The following BAZ2B variants were observed in gnomAD, a reference collection of about 807,000 sequenced individuals.
BAZ2B encodes the protein bromodomain adjacent to zinc finger domain 2B, also known as bromodomain adjacent to zinc finger domain protein 2B.
In BAZ2B, 91 loss-of-function variants were observed where a neutral mutation model predicts 246.0. The ratio of observed to expected loss-of-function variants is 0.37; its 90% CI spans 0.31 to 0.44. The LOEUF is 0.44. BAZ2B is among the 20% of genes least tolerant of loss of function. The pLI, the probability that BAZ2B is intolerant of heterozygous loss-of-function variation, is 1.00. For missense variants in BAZ2B, 2,332 were observed against 2,533.7 expected, an observed-to-expected ratio of 0.92 and a Z score of 1.71; for synonymous variants, 855 against 860.0, an observed-to-expected ratio of 0.99 and a Z score of 0.10.
chr2:159,333,890 C>T (rs886637025), intron 33 of BAZ2B, among the ~76,000 whole-genome samples: 8 of 152,008 alleles, frequency 5.3e-5, no homozygotes, highest in Admixed American at 1.3e-4. Flanking sequence ...AACATTGGCG[C>T]GGTTACCAAG....
intron 3 of BAZ2B, chr2:159,460,790 T>C (rs974094633): frequency 6.6e-6 from 1 of 152,140 alleles, no homozygotes; most frequent in Admixed American, 6.5e-5. Flanking sequence ...ACTCAAAATG[T>C]CCAAATTCTG....
chr2:159,481,075 T>C (rs1019007408), intron 2 of BAZ2B, among the ~76,000 whole-genome samples: 3 of 151,976 alleles, frequency 2.0e-5, no homozygotes, highest in Non-Finnish European at 2.9e-5. Flanking sequence ...TTTTTTGTCA[T>C]TTTATAGAAA....
intron 2 of BAZ2B, among the ~76,000 whole-genome samples, chr2:159,517,124 T>C (rs928462891): frequency 2.6e-5 from 4 of 152,166 alleles, no homozygotes; most frequent in African/African-American, 9.6e-5. Context: ...GACTGCTTTA[T>C]AATTTATGTG....
chr2:159,576,532 A>T (rs1427002444), intron 1 of BAZ2B, among the ~76,000 whole-genome samples: 1 of 30,942 alleles, frequency 3.2e-5, no homozygotes, highest in Non-Finnish European at 5.9e-5. Context: ...TCAAAGGTTT[A>T]AAAAAAAAAA....
chr2:159,690,302 C>A, the BAZ2B span: 1 of 263,036 alleles, frequency 3.8e-6, no homozygotes, highest in South Asian at 4.7e-5. Context: ...ATAAGGCGCT[C>A]ATTCTCGCCA....
chr2:159,522,330 T>C (rs373335278), intron 2 of BAZ2B, among the ~76,000 whole-genome samples: 45 of 152,262 alleles, frequency 3.0e-4, no homozygotes, highest in African/African-American at 1.1e-3. Context: ...TGGTTATCCA[T>C]TTACACAAAT....
At chr2:159,337,951 GT>G (rs2065937860) in intron 31 of BAZ2B, among the ~76,000 whole-genome samples, 179 bp from the exon 32 acceptor site, 1 of 152,120 alleles carries the variant, frequency 6.6e-6, no homozygotes, top group Non-Finnish European at 1.5e-5. Flanking sequence ...AAAAGAAATA[GT>G]TGTAAGAAAA....
chr2:159,390,750 T>C (rs2063233834), intron 20 of BAZ2B, among the ~76,000 whole-genome samples: 1 of 152,054 alleles, frequency 6.6e-6, no homozygotes, highest in South Asian at 2.1e-4. Flanking sequence ...AATATTATGA[T>C]AGCCAGAGGC....
chr2:159,655,910 AT>A, the BAZ2B span, among the ~76,000 whole-genome samples: 1 of 152,048 alleles, frequency 6.6e-6, no homozygotes, highest in African/African-American at 2.4e-5. Flanking sequence ...TTTTCAACAT[AT>A]TTTTAATAGC....
At chr2:159,341,279 G>A (rs2066665302) in intron 31 of BAZ2B, among the ~76,000 whole-genome samples, 1 of 152,054 alleles carries the variant, frequency 6.6e-6, no homozygotes, top group African/African-American at 2.4e-5. Flanking sequence ...GCTGTAAAAA[G>A]AGACAAAGAA....
chr2:159,685,326 G>A, the BAZ2B span, among the ~76,000 whole-genome samples: 1 of 152,036 alleles, frequency 6.6e-6, no homozygotes, highest in Admixed American at 6.6e-5. Context: ...TTAACATTTG[G>A]TAACTGAAGC....
At chr2:159,528,927 C>T (rs2085048932) in intron 2 of BAZ2B, among the ~76,000 whole-genome samples, 2 of 126,836 alleles carry the variant, frequency 1.6e-5, no homozygotes, top group Admixed American at 2.2e-4. Flanking sequence ...CCTTTGGATA[C>T]AGGAAGGGGA....
intron 2 of BAZ2B, among the ~76,000 whole-genome samples, chr2:159,536,784 AC>A (rs2086050337): frequency 6.6e-6 from 1 of 152,172 alleles, no homozygotes; most frequent in African/African-American, 2.4e-5. Flanking sequence ...TTATATAATA[AC>A]CAAAGTGGAT....
chr2:159,370,378 CTTTTT>C (rs55760591), intron 27 of BAZ2B, among the ~76,000 whole-genome samples: 3 of 92,248 alleles, frequency 3.3e-5, no homozygotes, highest in African/African-American at 4.0e-5. Flanking sequence ...ACTGTACTAC[CTTTTT>C]TTTTTTTTTT....
chr2:159,589,251 C>T lies in BAZ2B; in HGVS notation c.-46+26991G>A, dbSNP rs553389903. Among the ~76,000 whole-genome samples the T allele has an allele frequency of 4.6e-5, 7 of 152,184 alleles. No individual in the cohort carries two copies. The East Asian group carries it at 1.3e-3, about 29-fold the overall frequency. ...ATTGTAGAGGAGCTCACAGTGGTAT[C>T]CTTACTCACACTGCTCAGAATCATA... is the stretch of plus-strand genomic sequence containing the variant. On this transcript the variant is annotated intron_variant, in intron 1 of 36. Transcript: ENST00000392783.
At chr2:159,705,970 G>A in the BAZ2B span, among the ~76,000 whole-genome samples, 3 of 151,654 alleles carry the variant, frequency 2.0e-5, no homozygotes, top group Non-Finnish European at 4.4e-5. Context: ...TTAGAGAAAA[G>A]GTACTATAGA....
chr2:159,562,607 G>C (rs544810255), intron 1 of BAZ2B, among the ~76,000 whole-genome samples: 1 of 152,246 alleles, frequency 6.6e-6, no homozygotes, highest in South Asian at 2.1e-4. Context: ...CAATCACTTG[G>C]GTGAAGTAAT....
At chr2:159,700,661 G>A in the BAZ2B span, among the ~76,000 whole-genome samples, 9 of 152,278 alleles carry the variant, frequency 5.9e-5, no homozygotes, top group East Asian at 1.5e-3. Context: ...TGGCCAGGCT[G>A]GTCTCGAACT....
the BAZ2B span, among the ~76,000 whole-genome samples, chr2:159,637,659 G>A: frequency 7.9e-5 from 12 of 152,288 alleles, no homozygotes; most frequent in Non-Finnish European, 8.8e-5. Context: ...CCACACTCAA[G>A]CAATCCTCCC....
Sources: gnomAD v4.1 joint callset for allele counts (sites outside exome capture counted in the v4.1 genomes callset) on GRCh38, gnomAD v4.1.1 for gene constraint, MANE v1.5 for transcripts, NCBI Gene and HGNC (gene_info 2026-07-23, HGNC 2026-07-21) for gene names.